MAST2: variants seen among roughly 807,000 people sequenced by gnomAD.
The protein encoded by MAST2 is microtubule-associated serine/threonine-protein kinase 2.
Under a neutral mutation model 147.4 loss-of-function variants are expected in MAST2, and 70 were observed. The ratio of observed to expected loss-of-function variants is 0.47; its 90% CI spans 0.39 to 0.58. MAST2 has a LOEUF of 0.58. Among genes scored for constraint, MAST2 ranks in the 20% least tolerant of loss-of-function variants. The pLI, the probability that MAST2 is intolerant of heterozygous loss-of-function variation, is 0.00. For missense variants in MAST2, 2,080 were observed against 2,302.3 expected (o/e 0.90, Z 1.98); for synonymous variants, 869 against 896.8 (o/e 0.97, Z 0.55).
At chr1:46,021,816 A>G (rs1646194377) in intron 11 of MAST2, 134 bp from the exon 12 acceptor site, 1 of 800,784 alleles carries the variant, frequency 1.2e-6, no homozygotes, top group East Asian at 2.5e-5. Flanking sequence ...TTGTTTCTGA[A>G]TATTCAGGGG....
At chr1:45,897,519 A>T (rs1430744748) in intron 4 of MAST2, among the ~76,000 whole-genome samples, 1 of 152,180 alleles carries the variant, frequency 6.6e-6, no homozygotes, top group East Asian at 1.9e-4. Context: ...GAGGAAAGAA[A>T]AAACTATAGG....
intron 4 of MAST2, among the ~76,000 whole-genome samples, chr1:45,948,486 T>A (rs2148845684): frequency 6.6e-6 from 1 of 151,830 alleles, no homozygotes; most frequent in Middle Eastern, 3.4e-3. Flanking sequence ...GGCGGGTGGA[T>A]CATGAGGTCA....
intron 4 of MAST2, among the ~76,000 whole-genome samples, chr1:45,930,559 G>A (rs1158148553): frequency 2.0e-5 from 3 of 152,086 alleles, no homozygotes; most frequent in Admixed American, 1.3e-4. Context: ...ATAGGCAATA[G>A]AACACTTCGC....
intron 1 of MAST2, among the ~76,000 whole-genome samples, chr1:45,804,414 T>C (rs1261265692): frequency 1.3e-5 from 2 of 152,076 alleles, no homozygotes; most frequent in African/African-American, 4.8e-5. Flanking sequence ...TAGGAGTAAA[T>C]AGAGTAAGAT....
rs559572029 is a variant in MAST2, at chr1:46,011,881, T to C, written c.1188+942T>C. Among the ~76,000 whole-genome samples, 4 of 152,330 alleles carry C rather than the reference T, an allele frequency of 2.6e-5. No homozygotes were observed. In the South Asian group the frequency reaches 8.3e-4, roughly 32 times the overall value. ...GGGTGACTAAAGATGATCATGATTATTGTTGTCAAGTAGTAGAAAGTTTCT... is the reference window on the plus strand; with the variant it reads ...GGGTGACTAAAGATGATCATGATTACTGTTGTCAAGTAGTAGAAAGTTTCT... On this transcript the variant is annotated intron_variant, in intron 10 of 28. Transcript: ENST00000361297.
At chr1:46,005,465 G>T (rs926480170) in intron 7 of MAST2, among the ~76,000 whole-genome samples, 3 of 152,162 alleles carry the variant, frequency 2.0e-5, no homozygotes, top group Non-Finnish European at 2.9e-5. Context: ...AGGTAATGGA[G>T]GGGGGAGTTC....
chr1:45,844,258 C>T (rs966292227), intron 3 of MAST2, among the ~76,000 whole-genome samples: 26 of 151,770 alleles, frequency 1.7e-4, no homozygotes, highest in Non-Finnish European at 1.9e-4. Flanking sequence ...GGCCACGATG[C>T]CTGGCTAATT....
At chr1:46,034,438 T>C in intron 28 of MAST2, 100 bp from the exon 29 acceptor site, 1 of 1,381,946 alleles carries the variant, frequency 7.2e-7, no homozygotes, top group Non-Finnish European at 9.8e-7. Context: ...GCTTGGTTTC[T>C]GGGACATAAC....
At chr1:46,027,641 A>AG (rs1646469970) in intron 16 of MAST2, 90 bp from the exon 17 acceptor site, 26 of 1,400,540 alleles carry the variant, frequency 1.9e-5, no homozygotes, top group Non-Finnish European at 2.6e-5. Flanking sequence ...CCCCCATGGA[A>AG]GCCTGAGTGG....
chr1:45,832,305 C>CTT (rs758899496), intron 3 of MAST2, among the ~76,000 whole-genome samples: 3 of 143,700 alleles, frequency 2.1e-5, no homozygotes, highest in Non-Finnish European at 3.1e-5. Context: ...TTCTTTCTTT[C>CTT]TTTTTTTTTT....
At chr1:45,830,781 G>A (rs938572541) in intron 3 of MAST2, among the ~76,000 whole-genome samples, 2 of 151,150 alleles carry the variant, frequency 1.3e-5, no homozygotes, top group Admixed American at 6.6e-5. Context: ...CCTGCACTCT[G>A]AGAGTCTGAG....
intron 21 of MAST2, 173 bp from the exon 22 acceptor site, chr1:46,030,434 G>A (rs1297429592): frequency 1.8e-5 from 16 of 866,384 alleles, no homozygotes; most frequent in Non-Finnish European, 2.8e-5. Context: ...GACATGAGAT[G>A]CCAGGTCAGA....
At chr1:45,833,682 T>A (rs1645024724) in intron 3 of MAST2, among the ~76,000 whole-genome samples, 1 of 152,216 alleles carries the variant, frequency 6.6e-6, no homozygotes, top group South Asian at 2.1e-4. Context: ...TGACTCATGA[T>A]GTTGAGCATC....
intron 3 of MAST2, among the ~76,000 whole-genome samples, chr1:45,862,253 T>C (rs1388919074): frequency 1.3e-5 from 2 of 152,190 alleles, no homozygotes; most frequent in Non-Finnish European, 2.9e-5. Context: ...CATAAATGAT[T>C]CCTTTCAACA....
chr1:45,947,325 A>C (rs1193592131), intron 4 of MAST2, among the ~76,000 whole-genome samples: 2 of 151,998 alleles, frequency 1.3e-5, no homozygotes, highest in South Asian at 4.2e-4. Flanking sequence ...AAAAAAAAAA[A>C]AAAAAACCCA....
At chr1:45,953,803 G>T (rs1449721964) in intron 4 of MAST2, among the ~76,000 whole-genome samples, 1 of 152,166 alleles carries the variant, frequency 6.6e-6, no homozygotes, top group East Asian at 1.9e-4. Flanking sequence ...TAGGGTAGAA[G>T]ACAAGAGTAA....
intron 4 of MAST2, among the ~76,000 whole-genome samples, chr1:45,927,233 G>A (rs887092994): frequency 5.9e-5 from 9 of 152,180 alleles, no homozygotes; most frequent in Non-Finnish European, 1.2e-4. Context: ...GGACCGAGGC[G>A]AAATTAAAAT....
At chr1:45,821,108 C>T (rs1221967862) in intron 1 of MAST2, among the ~76,000 whole-genome samples, 1 of 151,972 alleles carries the variant, frequency 6.6e-6, no homozygotes, top group Non-Finnish European at 1.5e-5. Flanking sequence ...CCATGTTGCC[C>T]AGGCTGATCT....
intron 1 of MAST2, among the ~76,000 whole-genome samples, chr1:45,821,636 C>T (rs958102156): frequency 4.7e-5 from 7 of 150,096 alleles, no homozygotes; most frequent in African/African-American, 1.7e-4. Flanking sequence ...AACTGTGCCT[C>T]AGCCTCCCGA....
Sources: gnomAD v4.1 joint callset for allele counts (sites outside exome capture counted in the v4.1 genomes callset) on GRCh38, gnomAD v4.1.1 for gene constraint, MANE v1.5 for transcripts, NCBI Gene and HGNC (gene_info 2026-07-23, HGNC 2026-07-21) for gene names.